EXOC3L1: variants seen among roughly 807,000 people sequenced by gnomAD.
EXOC3L1 encodes the protein exocyst complex component 3-like protein.
A neutral mutation model predicts 83.6 loss-of-function variants in EXOC3L1; 79 were observed. The observed-to-expected ratio is 0.95, with a 90% confidence interval of 0.79 to 1.14. The LOEUF (loss-of-function observed/expected upper bound fraction) is 1.14. EXOC3L1 is among the 50% of genes most tolerant of loss of function. The pLI is 0.00. For missense variants in EXOC3L1, 945 were observed against 972.0 expected (o/e 0.97, Z 0.37); for synonymous variants, 433 against 451.2 (o/e 0.96, Z 0.51).
At position 67,185,077 on chromosome 16, in the gene EXOC3L1, C is replaced by T. The variant is rs2032653763; in HGVS notation, c.1750-20G>A. ...CAGCAGCTGCGGGGAGGCAATCAGGCGGGTGCAGGTCGCCTCTCACCCGCG... is the reference window on the plus strand; with the variant it reads ...CAGCAGCTGCGGGGAGGCAATCAGGTGGGTGCAGGTCGCCTCTCACCCGCG... On this transcript the variant is annotated intron_variant, in intron 11 of 13. Transcript: ENST00000314586. 1.2e-6 allele frequency: 2 copies of T among 1,611,244 alleles called. No homozygotes were observed. Among genetic ancestry groups the T allele is most frequent in the South Asian group, 1.1e-5 (1 of 90,980 alleles).
chr16:67,186,108 A>C, intron 9 of EXOC3L1, 129 bp downstream of exon 9: 1 of 664,096 alleles, frequency 1.5e-6, no homozygotes, highest in Non-Finnish European at 2.7e-6. Flanking sequence ...AATTAGCAGA[A>C]CTAGAATTGG....
At position 67,184,786 on chromosome 16, in the gene EXOC3L1, C is replaced by G. The variant is rs1358605923; in HGVS notation, c.1930G>C (p.Ala644Pro). 3 of 1,600,120 alleles carry G rather than the reference C, an allele frequency of 1.9e-6. No individual in the cohort carries two copies. Among genetic ancestry groups the G allele is most frequent in the Non-Finnish European group, 2.5e-6 (3 of 1,178,412 alleles). ...TCCCTCAGGGCGAGCAGCACCGGCG[C>G]GCAGTGCGCGTTCTCCTCCAGGCCC... is the stretch of plus-strand genomic sequence containing the variant. ...SLGLEENAHC[A>P]PVLLALRELL... is the part of the protein sequence containing the mutation. Residue 644 changes from alanine (A) to proline (P), a missense_variant, in exon 13 of 14, where the codon GCG (alanine) becomes CCG (proline). Coordinates refer to ENST00000314586, the MANE Select transcript of EXOC3L1 (RefSeq NM_178516.4).
intron 4 of EXOC3L1, among the ~76,000 whole-genome samples, chr16:67,188,441 G>A (rs2032790073): frequency 6.6e-6 from 1 of 152,196 alleles, no homozygotes; most frequent in African/African-American, 2.4e-5. Context: ...GGTCCTGCCA[G>A]TACTCGCTCA....
chr16:67,186,310 AGTG>A lies in EXOC3L1; in HGVS notation c.1420_1422del (p.His474del). 6.4e-7 allele frequency: 1 copy of A among 1,571,468 alleles called. No homozygotes were observed. Among genetic ancestry groups the A allele is most frequent in the South Asian group, 1.2e-5 (1 of 85,748 alleles). On this transcript the variant is annotated inframe_deletion, in exon 9 of 14. Transcript: ENST00000314586. ...TGAGGGGCCATTGATTTCCCCCTGAAGTGGTCTCGGGAGAATCGGATCAGAGCA... is the reference window on the plus strand; with the variant it reads ...TGAGGGGCCATTGATTTCCCCCTGAAGTCTCGGGAGAATCGGATCAGAGCA...
In EXOC3L1 at chr16:67,184,821, C is replaced by T. The variant is rs1226841781; in HGVS notation, c.1906-11G>A. ...GTTCTCCTCCAGGCCCTGAGCACGT[C>T]GGGGTAGGGTCTCGCGCCAGCCCTC... On this transcript the variant is annotated splice_polypyrimidine_tract_variant and intron_variant, in intron 12 of 13. Coordinates refer to ENST00000314586, the MANE Select transcript of EXOC3L1 (RefSeq NM_178516.4). 2 of 1,604,196 alleles carry T rather than the reference C, an allele frequency of 1.2e-6. No individual in the cohort carries two copies. Among genetic ancestry groups the T allele is most frequent in the Non-Finnish European group, 8.5e-7 (1 of 1,179,676 alleles).
intron 12 of EXOC3L1, 26 bp from the exon 13 acceptor site, chr16:67,184,836 C>T: frequency 6.2e-7 from 1 of 1,606,238 alleles, no homozygotes; most frequent in African/African-American, 1.3e-5. Context: ...TAGGGTCTCG[C>T]GCCAGCCCTC....
chr16:67,185,902 T>G (rs1456466358), intron 9 of EXOC3L1, among the ~76,000 whole-genome samples: 1 of 152,086 alleles, frequency 6.6e-6, no homozygotes, highest in Admixed American at 6.6e-5. Flanking sequence ...ACCCCAGACA[T>G]TACTGGCACA....
Position 67,184,796 on chromosome 16 carries a change from G to A in EXOC3L1, c.1920C>T (p.Asn640=). The A allele has an allele frequency of 6.2e-7, 1 of 1,601,508 alleles. No individual in the cohort carries two copies. Among genetic ancestry groups the A allele is most frequent in the Non-Finnish European group, 8.5e-7 (1 of 1,178,936 alleles). Residue 640 remains asparagine (N), a synonymous_variant, in exon 13 of 14, where the codon AAC becomes AAT. Transcript: ENST00000314586. ...QLFLSLGLEE[N]AHCAPVLLAL... is the part of the protein sequence containing the mutation. Reference sequence around the variant, plus strand: ...CGAGCAGCACCGGCGCGCAGTGCGCGTTCTCCTCCAGGCCCTGAGCACGTC... The same window carrying A: ...CGAGCAGCACCGGCGCGCAGTGCGCATTCTCCTCCAGGCCCTGAGCACGTC...
In EXOC3L1 at chr16:67,184,583, G is replaced by A. The variant is rs747682987; in HGVS notation, c.2052C>T (p.Leu684=). The A allele has an allele frequency of 2.3e-4, 362 of 1,574,432 alleles. 3 individuals carry two copies. Among genetic ancestry groups the A allele is most frequent in the South Asian group, 2.3e-3 (200 of 87,932 alleles). Residue 684 remains leucine, a synonymous_variant, in exon 14 of 14, where the codon CTC becomes CTT. Transcript: ENST00000314586. ...GGGACAAGTCCCCGCGCAGGCCCAA[G>A]AGGGCGGAGACGTGGTCCTCGCTGC... ...PDVSEDHVSA[L]LGLRGDLSRE...
Position 67,185,062 on chromosome 16 carries a change from G to C in EXOC3L1, c.1750-5C>G, listed in dbSNP as rs773886781. 1 of 1,610,156 alleles carries C rather than the reference G, an allele frequency of 6.2e-7. No individual in the cohort carries two copies. Among genetic ancestry groups the C allele is most frequent in the Admixed American group, 1.7e-5 (1 of 59,924 alleles). ...CTCGGCCTCAGCCAGCAGCAGCTGC[G>C]GGGAGGCAATCAGGCGGGTGCAGGT... On this transcript the variant is annotated splice_polypyrimidine_tract_variant and splice_region_variant and intron_variant, in intron 11 of 13. Coordinates refer to ENST00000314586, the MANE Select transcript of EXOC3L1 (RefSeq NM_178516.4).
intron 8 of EXOC3L1, 28 bp downstream of exon 8, chr16:67,186,529 T>C: frequency 6.2e-7 from 1 of 1,607,862 alleles, no homozygotes; most frequent in Non-Finnish European, 8.5e-7. Flanking sequence ...GGGATAGGGA[T>C]CAGGAATGGG....
At position 67,185,422 on chromosome 16, in the gene EXOC3L1, A is replaced by C; in HGVS notation, c.1565T>G (p.Leu522Arg). 1 of 1,612,176 alleles carries C rather than the reference A, an allele frequency of 6.2e-7. No homozygotes were observed. The highest frequency in any genetic ancestry group is 1.3e-5 in the African/African-American group (1 of 74,972). The change falls in exon 10 of 14, where the codon CTG becomes CGG. Residue 522 changes from leucine (L) to arginine (R), a missense_variant. Leu to Arg is a moderately radical substitution (Grantham distance 102, BLOSUM62 -2). Transcript: ENST00000314586. ...GTAGATCCTCCTCTGCAACTCGTCCAGCGCAGCTTCCACTGGAGCCAAGGC... is the reference window on the plus strand; with the variant it reads ...GTAGATCCTCCTCTGCAACTCGTCCCGCGCAGCTTCCACTGGAGCCAAGGC... The part of the protein sequence containing the change: ...SGALAPVEAA[L>R]DELQRRIYRL...
rs1436418873 is a variant in EXOC3L1, at chr16:67,186,308, G to C, written c.1425C>G (p.Phe475Leu). The C allele has an allele frequency of 1.3e-6, 2 of 1,572,260 alleles. No individual in the cohort carries two copies. The highest frequency in any genetic ancestry group is 1.7e-6 in the Non-Finnish European group (2 of 1,157,886). ...AATGAGGGGCCATTGATTTCCCCCT[G>C]AAGTGGTCTCGGGAGAATCGGATCA... The part of the protein sequence containing the change: ...DALIRFSRDH[F>L]RGKSMAPHYV... The change falls in exon 9 of 14, where the codon TTC becomes TTG. Residue 475 changes from phenylalanine (F) to leucine (L), a missense_variant. Phe to Leu is a conservative substitution (Grantham distance 22). Transcript: ENST00000314586.
In EXOC3L1 at chr16:67,187,733, C is replaced by T; in HGVS notation, c.532G>A (p.Ala178Thr). 1 of 1,613,062 alleles carries T rather than the reference C, an allele frequency of 6.2e-7. No homozygotes were observed. Among genetic ancestry groups the T allele is most frequent in the South Asian group, 1.1e-5 (1 of 91,086 alleles). Residue 178 changes from alanine (A) to threonine (T), a missense_variant, in exon 5 of 14, where the codon GCA becomes ACA. Ala to Thr is a moderately conservative substitution (Grantham distance 58, BLOSUM62 0). Transcript: ENST00000314586. ...ELEQLREDTWAPLGGLELPVF... is the reference protein window; with the variant it reads ...ELEQLREDTWTPLGGLELPVF... ...GGCAACTCCAGGCCCCCCAGGGGTG[C>T]CCACGTATCCTCTCGCAGCTGCTCC...
chr16:67,186,192 A>G lies in EXOC3L1; in HGVS notation c.1496+45T>C, dbSNP rs376907707. ...TGAGCCCATACATAATAGGTACTCA[A>G]TAGGGGGTTAGTGAAGGTGGGGTTC... On this transcript the variant is annotated intron_variant, in intron 9 of 13. Coordinates refer to ENST00000314586, the MANE Select transcript of EXOC3L1 (RefSeq NM_178516.4). The G allele has an allele frequency of 9.2e-5, 122 of 1,332,732 alleles. No homozygotes were observed. In the African/African-American group the frequency reaches 1.3e-3, roughly 14 times the overall value. The allele number at this position is 1,332,732 out of a possible 1,614,324, so 82.6% of individuals were successfully genotyped here. A position where few individuals can be genotyped will look rare whatever the true frequency, so the allele number is the denominator to read the frequency against.
intron 4 of EXOC3L1, 41 bp from the exon 5 acceptor site, chr16:67,187,878 T>G (rs1179183508): frequency 6.5e-7 from 1 of 1,532,006 alleles, no homozygotes; most frequent in East Asian, 2.3e-5. Flanking sequence ...GTCTCAGCCT[T>G]CCCACCGCCT....
intron 9 of EXOC3L1, 158 bp from the exon 10 acceptor site, chr16:67,185,648 C>G: frequency 4.4e-6 from 3 of 677,782 alleles, no homozygotes; most frequent in South Asian, 3.7e-5. Context: ...TGGACCAGGG[C>G]TGGGAGACGG....
In EXOC3L1 at chr16:67,186,887, G is replaced by T; in HGVS notation, c.1159-3C>A. The T allele has an allele frequency of 6.2e-7, 1 of 1,613,438 alleles. No homozygotes were observed. Among genetic ancestry groups the T allele is most frequent in the African/African-American group, 1.3e-5 (1 of 75,038 alleles). On this transcript the variant is annotated splice_region_variant and splice_polypyrimidine_tract_variant and intron_variant, in intron 6 of 13. Coordinates refer to ENST00000314586, the MANE Select transcript of EXOC3L1 (RefSeq NM_178516.4). ...TGCAGCCACTGAGACACACTTGCCT[G>T]GGGGGAGGGGCCAGGGGCAAAGGAA...
intron 8 of EXOC3L1, 74 bp downstream of exon 8, chr16:67,186,483 A>G (rs1327161297): frequency 2.0e-6 from 3 of 1,518,416 alleles, no homozygotes; most frequent in African/African-American, 2.8e-5. Context: ...GACATGTCTT[A>G]TTCACTCAGA....
Sources: allele counts gnomAD v4.1 joint callset (sites outside exome capture counted in the v4.1 genomes callset), GRCh38; gene constraint gnomAD v4.1.1; transcripts MANE v1.5; gene names NCBI Gene and HGNC (gene_info 2026-07-23, HGNC 2026-07-21).